Variants in KTN1 observed in about 807,000 individuals in gnomAD.
KTN1 encodes kinectin.
Under a neutral mutation model 222.5 loss-of-function variants are expected in KTN1, and 130 were observed. That is an observed-to-expected ratio of 0.58 (90% confidence interval 0.51 to 0.68). KTN1 has a LOEUF of 0.68. KTN1 is among the 30% of genes least tolerant of loss of function. The probability of loss-of-function intolerance (pLI) is 0.00; values close to 1 mark genes in which losing one functional copy is unlikely to be tolerated. For missense variants in KTN1, 1,508 were observed against 1,500.4 expected (o/e 1.01, Z -0.08); for synonymous variants, 512 against 496.3 (o/e 1.03, Z -0.42).
chr14:55,631,491 C>T (rs1420468952), intron 7 of KTN1, among the ~76,000 whole-genome samples: 1 of 151,786 alleles, frequency 6.6e-6, no homozygotes, highest in Non-Finnish European at 1.5e-5. Flanking sequence ...GTTCTGAAAT[C>T]TTAAAGACAC....
intron 24 of KTN1, 85 bp downstream of exon 24, chr14:55,650,722 A>G (rs1379476733): frequency 1.0e-6 from 1 of 978,476 alleles, no homozygotes; most frequent in Admixed American, 2.0e-5. Flanking sequence ...TTACTCAGAA[A>G]AAACTTAGTA....
chr14:55,620,935 A>G (rs1187488660), intron 5 of KTN1, among the ~76,000 whole-genome samples: 1 of 152,124 alleles, frequency 6.6e-6, no homozygotes, highest in African/African-American at 2.4e-5. Flanking sequence ...TCAGGCTGCA[A>G]ATTTTCCAAA....
chr14:55,658,539 T>C lies in KTN1; in HGVS notation c.2893-7T>C. 6.6e-7 allele frequency: 1 copy of C among 1,522,702 alleles called. No individual in the cohort carries two copies. Among genetic ancestry groups the C allele is most frequent in the Non-Finnish European group, 9.1e-7 (1 of 1,100,102 alleles). 94.3% of individuals were successfully genotyped at this position (1,522,702 alleles called of 1,614,324 possible). A position where few individuals can be genotyped will look rare whatever the true frequency, so the allele number is the denominator to read the frequency against. ...TAGATACTGATGTTTAATTTTTATT[T>C]AATTAGGATGTACAAGATGAAAACA... On this transcript the variant is annotated splice_polypyrimidine_tract_variant and splice_region_variant and intron_variant, in intron 29 of 43. Transcript: ENST00000395314.
chr14:55,652,015 A>G (rs963134202), intron 25 of KTN1, 88 bp downstream of exon 25: 105 of 848,662 alleles, frequency 1.2e-4, no homozygotes, highest in Non-Finnish European at 1.8e-4. Context: ...TCTTGATTTC[A>G]AGTGGTGTTT....
At chr14:55,677,050 T>C (rs1320359227) in intron 41 of KTN1, among the ~76,000 whole-genome samples, 2 of 152,204 alleles carry the variant, frequency 1.3e-5, no homozygotes, top group Non-Finnish European at 2.9e-5. Context: ...CTCAAAGTTA[T>C]ATAATAGATA....
intron 1 of KTN1, among the ~76,000 whole-genome samples, chr14:55,596,045 C>A (rs1390948937): frequency 6.7e-6 from 1 of 149,598 alleles, no homozygotes; most frequent in African/African-American, 2.5e-5. Flanking sequence ...GTCCCAGCTA[C>A]TCAGGAGGCT....
chr14:55,610,009 A>G (rs934944674), intron 1 of KTN1, among the ~76,000 whole-genome samples: 1 of 152,174 alleles, frequency 6.6e-6, no homozygotes, highest in Admixed American at 6.5e-5. Flanking sequence ...CAGGGAAACA[A>G]TTCTGTATGG....
At chr14:55,639,067 C>T (rs1469037686) in intron 12 of KTN1, 118 bp from the exon 13 acceptor site, 1 of 656,524 alleles carries the variant, frequency 1.5e-6, no homozygotes, top group Non-Finnish European at 2.6e-6. Flanking sequence ...GGGCCAGATA[C>T]TTTCATAACA....
At chr14:55,623,690 T>G (rs1048489282) in intron 5 of KTN1, among the ~76,000 whole-genome samples, 1 of 152,214 alleles carries the variant, frequency 6.6e-6, no homozygotes, top group African/African-American at 2.4e-5. Context: ...ATTAAAGAAT[T>G]TGTCCTTCGG....
intron 1 of KTN1, among the ~76,000 whole-genome samples, chr14:55,580,781 C>T (rs2031291091): frequency 6.6e-6 from 1 of 152,158 alleles, no homozygotes; most frequent in Non-Finnish European, 1.5e-5. Context: ...ACCGCCTCCT[C>T]GGCCGGTGGA....
rs1008792115 is a variant in KTN1 at position 55,637,352 on chromosome 14, A to C, written c.1704A>C (p.Gln568His). 5 of 1,561,106 alleles carry C rather than the reference A, an allele frequency of 3.2e-6. No homozygotes were observed. In the Admixed American group the frequency reaches 6.1e-5, roughly 19 times the overall value. The change falls in exon 11 of 44, where the codon CAA (glutamine) becomes CAC (histidine). Residue 568 changes from glutamine (Q) to histidine (H), a missense_variant. Coordinates refer to ENST00000395314, the MANE Select transcript of KTN1 (RefSeq NM_001079521.2). ...QKRVNKEESLQMQVQDILEQN... is the reference protein window; with the variant it reads ...QKRVNKEESLHMQVQDILEQN... ...GGGTGAACAAAGAAGAGTCTCTACA[A>C]ATGCAGGTTCAGGTATTTTTTCTTC... is the stretch of plus-strand genomic sequence containing the variant.
In KTN1 at chr14:55,671,602, C is replaced by T. The variant is rs1241625857; in HGVS notation, c.3385C>T (p.His1129Tyr). The T allele has an allele frequency of 1.2e-6, 2 of 1,612,808 alleles. No homozygotes were observed. The highest frequency in any genetic ancestry group is 1.7e-6 in the Non-Finnish European group (2 of 1,179,484). The change falls in exon 36 of 44, where the codon CAC becomes TAC. Residue 1129 changes from histidine to tyrosine, a missense_variant. Physicochemically the swap from His to Tyr is moderately conservative, Grantham distance 83. Coordinates refer to ENST00000395314, the MANE Select transcript of KTN1 (RefSeq NM_001079521.2). ...EHKLKEADEM[H>Y]TLLQLECEKY... ...CAAGTTGAAAGAAGCTGATGAAATG[C>T]ACACATTGTTACAGCTAGAGTGTGA...
intron 5 of KTN1, among the ~76,000 whole-genome samples, chr14:55,626,092 G>A (rs17128635): frequency 0.021 from 3,187 of 151,914 alleles, 120 homozygotes; most frequent in African/African-American, 0.073. Context: ...ATTCAAGTTA[G>A]CTTTTATTAC....
intron 1 of KTN1, among the ~76,000 whole-genome samples, chr14:55,590,399 C>A (rs572712102): frequency 1.3e-5 from 2 of 152,228 alleles, no homozygotes; most frequent in African/African-American, 2.4e-5. Flanking sequence ...AAATAAAATA[C>A]GTATGAGATA....
At chr14:55,582,128 A>C (rs1273010235) in intron 1 of KTN1, among the ~76,000 whole-genome samples, 1 of 152,120 alleles carries the variant, frequency 6.6e-6, no homozygotes, top group East Asian at 1.9e-4. Context: ...CTATTGAAAA[A>C]TTTTCTTAAT....
In KTN1 at chr14:55,637,380, T is replaced by C. The variant is rs373593119; in HGVS notation, c.1716+16T>C. On this transcript the variant is annotated intron_variant, in intron 11 of 43. Coordinates refer to ENST00000395314, the MANE Select transcript of KTN1 (RefSeq NM_001079521.2). ...GCAGGTTCAGGTATTTTTTCTTCTTTTTTTTTTTTTAAAAAAATACAGGTG... is the reference window on the plus strand; with the variant it reads ...GCAGGTTCAGGTATTTTTTCTTCTTCTTTTTTTTTTAAAAAAATACAGGTG... The C allele has an allele frequency of 3.1e-5, 47 of 1,515,516 alleles. No individual in the cohort carries two copies. The East Asian group carries it at 6.0e-4, about 19-fold the overall frequency. The allele number at this position is 1,515,516 out of a possible 1,614,324, so 93.9% of individuals were successfully genotyped here.
chr14:55,642,793 A>G (rs2041933880), intron 18 of KTN1, among the ~76,000 whole-genome samples: 1 of 152,166 alleles, frequency 6.6e-6, no homozygotes, highest in Admixed American at 6.5e-5. Flanking sequence ...TAAGTGCATT[A>G]TTACATAGTC....
intron 1 of KTN1, among the ~76,000 whole-genome samples, chr14:55,602,936 G>T (rs2036198820): frequency 6.6e-6 from 1 of 152,166 alleles, no homozygotes; most frequent in African/African-American, 2.4e-5. Context: ...TTCGTAAAGA[G>T]AATAGTAGCA....
rs2046077714 is a variant in KTN1 at position 55,678,484 on chromosome 14, C to T, written c.3948+40C>T. ...CATCCCCAGATCTCTGAGCTAGTTA[C>T]CTTGTGACCTGTGTAAAGAACAAAA... On this transcript the variant is annotated intron_variant, in intron 42 of 43. Coordinates refer to ENST00000395314, the MANE Select transcript of KTN1 (RefSeq NM_001079521.2). 4.7e-6 allele frequency: 6 copies of T among 1,264,230 alleles called. No homozygotes were observed. In the African/African-American group the frequency reaches 8.8e-5, roughly 19 times the overall value. 78.3% of individuals were successfully genotyped at this position (1,264,230 alleles called of 1,614,324 possible).
Sources: gnomAD v4.1 joint callset for allele counts (sites outside exome capture counted in the v4.1 genomes callset) on GRCh38, gnomAD v4.1.1 for gene constraint, MANE v1.5 for transcripts, NCBI Gene and HGNC (gene_info 2026-07-23, HGNC 2026-07-21) for gene names.